The following PIK3C2G variants were observed in gnomAD, a reference collection of about 807,000 sequenced individuals.
PIK3C2G encodes phosphatidylinositol-4-phosphate 3-kinase catalytic subunit type 2 gamma.
PIK3C2G carries 168 observed loss-of-function variants against 181.1 expected under a neutral mutation model. The ratio of observed to expected loss-of-function variants is 0.93; its 90% CI spans 0.82 to 1.05. PIK3C2G has a LOEUF of 1.05. PIK3C2G is among the 50% of genes least tolerant of loss of function. The pLI is 0.00. For synonymous variants in PIK3C2G, 573 were observed against 592.2 expected (o/e 0.97, Z 0.47); for missense variants, 1,869 against 1,732.8 (o/e 1.08, Z -1.40).
chr12:18,670,817 C>G, the PIK3C2G span, among the ~76,000 whole-genome samples: 2 of 152,144 alleles, frequency 1.3e-5, no homozygotes, highest in South Asian at 4.1e-4. Context: ...ATGAAACATT[C>G]TTTCAAATGA....
At chr12:18,385,786 G>A (rs1347194199) in intron 14 of PIK3C2G, among the ~76,000 whole-genome samples, 2 of 151,958 alleles carry the variant, frequency 1.3e-5, no homozygotes, top group Non-Finnish European at 2.9e-5. Flanking sequence ...AGTTGGTTTC[G>A]AACTCCTGAC....
chr12:18,320,202 T>C (rs2137454306), intron 6 of PIK3C2G: 1 of 152,302 alleles, frequency 6.6e-6, no homozygotes, highest in South Asian at 2.1e-4. Flanking sequence ...GATCTCAACC[T>C]TAATGCCACC....
At chr12:18,534,228 G>A (rs917356844) in intron 24 of PIK3C2G, among the ~76,000 whole-genome samples, 13 of 152,042 alleles carry the variant, frequency 8.6e-5, no homozygotes, top group Non-Finnish European at 1.6e-4. Context: ...GGGATTACAG[G>A]TGTGAGCCAC....
In PIK3C2G at chr12:18,399,749, C is replaced by A. The variant is rs1398211992; in HGVS notation, c.2217C>A (p.Ala739=). ...NCSLPLVLGS[A]PGWDERTVSE... is the part of the protein sequence containing the mutation. ...CCCTTCCTTTAGTCCTGGGTAGTGC[C>A]CCTGGATGGGATGAAAGGACTGTTT... is the stretch of plus-strand genomic sequence containing the variant. The change falls in exon 16 of 33, where the codon GCC becomes GCA. Residue 739 remains alanine (A), a synonymous_variant. Coordinates refer to ENST00000538779, the MANE Select transcript of PIK3C2G (RefSeq NM_001288772.2). 20 of 1,605,888 alleles carry A rather than the reference C, an allele frequency of 1.2e-5. No individual in the cohort carries two copies. Among genetic ancestry groups the A allele is most frequent in the Middle Eastern group, 1.7e-4 (1 of 6,022 alleles).
At chr12:18,330,501 A>G (rs1210081340) in intron 8 of PIK3C2G, among the ~76,000 whole-genome samples, 2 of 152,162 alleles carry the variant, frequency 1.3e-5, no homozygotes, top group Non-Finnish European at 2.9e-5. Context: ...CTATGTGGCA[A>G]TATTTCCTTC....
chr12:18,713,693 A>G, the PIK3C2G span: 2 of 152,216 alleles, frequency 1.3e-5, no homozygotes, highest in Non-Finnish European at 2.9e-5. Context: ...ATCTCTGTCT[A>G]TTCGACTCAT....
Position 18,286,833 on chromosome 12 carries a change from GATTTT to G in PIK3C2G, c.679-7_679-3del. The G allele has an allele frequency of 7.4e-7, 1 of 1,350,854 alleles. No individual in the cohort carries two copies. Among genetic ancestry groups the G allele is most frequent in the Non-Finnish European group, 1.0e-6 (1 of 986,332 alleles). The allele number at this position is 1,350,854 out of a possible 1,614,324, so 83.7% of individuals were successfully genotyped here. ...TTCTCCAAATTATATTAATTTAGTA[GATTTT>G]ATTTTAAGTCAATAGGTTGTTCCAT... On this transcript the variant is annotated splice_polypyrimidine_tract_variant and intron_variant, in intron 2 of 32. Coordinates refer to ENST00000538779, the MANE Select transcript of PIK3C2G (RefSeq NM_001288772.2).
intron 16 of PIK3C2G, among the ~76,000 whole-genome samples, chr12:18,419,481 A>G (rs989940103): frequency 3.3e-5 from 5 of 152,196 alleles, no homozygotes; most frequent in African/African-American, 1.2e-4. Context: ...AATCACATTT[A>G]GTTAGGAGAA....
intron 24 of PIK3C2G, among the ~76,000 whole-genome samples, chr12:18,524,080 T>A (rs557553660): frequency 1.2e-4 from 19 of 152,222 alleles, no homozygotes; most frequent in Admixed American, 5.9e-4. Context: ...TTTCTTTTTT[T>A]CTAAATGAGC....
At position 18,503,328 on chromosome 12, in the gene PIK3C2G, C is replaced by T. The variant is rs774333984; in HGVS notation, c.3064C>T (p.Arg1022Cys). ...TGCTGTGACCCTAGCAAAGATTCAT[C>T]GCCATTCTGGACTGATAGGACCATT... is the stretch of plus-strand genomic sequence containing the variant. ...PDAVTLAKIH[R>C]HSGLIGPLKE... is the part of the protein sequence containing the mutation. The change falls in exon 23 of 33, where the codon CGC becomes TGC. Residue 1022 changes from arginine to cysteine, a missense_variant. Coordinates refer to ENST00000538779, the MANE Select transcript of PIK3C2G (RefSeq NM_001288772.2). 3.4e-5 allele frequency: 54 copies of T among 1,611,166 alleles called. No homozygotes were observed. The highest frequency in any genetic ancestry group is 4.1e-5 in the Non-Finnish European group (48 of 1,178,074).
chr12:18,412,836 C>T (rs1201285544), intron 16 of PIK3C2G, among the ~76,000 whole-genome samples: 2 of 152,118 alleles, frequency 1.3e-5, no homozygotes, highest in Non-Finnish European at 1.5e-5. Flanking sequence ...ATTACCTCCA[C>T]CTTGAGCTGG....
intron 16 of PIK3C2G, among the ~76,000 whole-genome samples, chr12:18,411,180 T>C (rs1233224451): frequency 6.6e-6 from 1 of 152,150 alleles, no homozygotes; most frequent in African/African-American, 2.4e-5. Context: ...ATAAATAATA[T>C]ACCCAAGATA....
At chr12:18,307,483 T>TTA (rs1950467877) in intron 5 of PIK3C2G, among the ~76,000 whole-genome samples, 1 of 151,872 alleles carries the variant, frequency 6.6e-6, no homozygotes, top group Admixed American at 6.6e-5. Flanking sequence ...ATTTGGAATG[T>TTA]TACCAGACTG....
the PIK3C2G span, among the ~76,000 whole-genome samples, chr12:18,700,654 G>T: frequency 6.6e-6 from 1 of 151,736 alleles, no homozygotes; most frequent in Non-Finnish European, 1.5e-5. Context: ...GCTGGAGAAA[G>T]AATTGAAGTT....
At chr12:18,429,310 C>G (rs1295073639) in intron 18 of PIK3C2G, among the ~76,000 whole-genome samples, 2 of 152,104 alleles carry the variant, frequency 1.3e-5, no homozygotes, top group African/African-American at 4.8e-5. Flanking sequence ...CTGCTTACAC[C>G]CTGATTTTGG....
At chr12:18,407,424 A>G (rs1944599976) in intron 16 of PIK3C2G, among the ~76,000 whole-genome samples, 1 of 152,036 alleles carries the variant, frequency 6.6e-6, no homozygotes, top group South Asian at 2.1e-4. Context: ...CATTTTACTG[A>G]TCTCCATTTT....
intron 1 of PIK3C2G, among the ~76,000 whole-genome samples, chr12:18,274,292 C>T (rs999518735): frequency 3.3e-5 from 5 of 152,192 alleles, no homozygotes; most frequent in African/African-American, 4.8e-5. Context: ...ACCCAGCCAT[C>T]CCATTACTGG....
intron 6 of PIK3C2G, among the ~76,000 whole-genome samples, chr12:18,314,809 T>G (rs1335587372): frequency 6.6e-6 from 1 of 152,176 alleles, no homozygotes; most frequent in Non-Finnish European, 1.5e-5. Flanking sequence ...TAAAGGGGAA[T>G]CACTGAAGGC....
chr12:18,356,622 G>A (rs1940760289), intron 11 of PIK3C2G, among the ~76,000 whole-genome samples: 1 of 152,148 alleles, frequency 6.6e-6, no homozygotes, highest in Non-Finnish European at 1.5e-5. Flanking sequence ...ATTGAAGATG[G>A]TAAATGTGGG....
Sources: allele counts gnomAD v4.1 joint callset (sites outside exome capture counted in the v4.1 genomes callset), GRCh38; gene constraint gnomAD v4.1.1; transcripts MANE v1.5; gene names NCBI Gene and HGNC (gene_info 2026-07-23, HGNC 2026-07-21).